The following CTNND1 variants were observed in gnomAD, a reference collection of about 807,000 sequenced individuals.
CTNND1 encodes the protein catenin delta-1.
CTNND1 carries 16 observed loss-of-function variants against 112.1 expected under a neutral mutation model. The observed-to-expected ratio is 0.14, with a 90% CI of 0.10 to 0.22. The LOEUF is 0.22. CTNND1 is among the 10% of genes least tolerant of loss of function. The pLI, the probability that CTNND1 is intolerant of heterozygous loss-of-function variation, is 1.00. For synonymous variants in CTNND1, 420 were observed against 446.5 expected, an observed-to-expected ratio of 0.94 and a Z score of 0.75; for missense variants, 1,008 against 1,257.0, an observed-to-expected ratio of 0.80 and a Z score of 3.00.
intron 16 of CTNND1, among the ~76,000 whole-genome samples, chr11:57,810,649 A>C: frequency 6.6e-6 from 1 of 151,846 alleles, no homozygotes; most frequent in African/African-American, 2.4e-5. Flanking sequence ...TTTTTGACCC[A>C]TATTTCTTAA....
In CTNND1 at chr11:57,800,775, G is replaced by A. The variant is rs553593545; in HGVS notation, c.957-958G>A. ...TCCACACAATAGATTATCCTCTCCTGTGGGAGCCAGAAAGAGATGAGCTCA... is the reference window on the plus strand; with the variant it reads ...TCCACACAATAGATTATCCTCTCCTATGGGAGCCAGAAAGAGATGAGCTCA... On this transcript the variant is annotated intron_variant, in intron 6 of 20. Coordinates refer to ENST00000399050, the MANE Select transcript of CTNND1 (RefSeq NM_001085458.2). 2.0e-4 allele frequency among the ~76,000 whole-genome samples: 31 copies of A among 152,330 alleles called. No individual in the cohort carries two copies. The South Asian group carries it at 6.2e-3, about 31-fold the overall frequency.
Position 57,818,900 on chromosome 11 carries a change from A to G in CTNND1, c.*2592A>G, listed in dbSNP as rs1159295366. 6.6e-6 allele frequency: 1 copy of G among 152,220 alleles called. No homozygotes were observed. The highest frequency in any genetic ancestry group is 2.4e-5 in the African/African-American group (1 of 41,452). The allele number at this position is 152,220 out of a possible 1,614,324, so 9.4% of individuals were successfully genotyped here. ...AAATGTAGGATCAAAAGGCCCATGTATATAAGTACTGACCACTGGGCCATA... is the reference window on the plus strand; with the variant it reads ...AAATGTAGGATCAAAAGGCCCATGTGTATAAGTACTGACCACTGGGCCATA... On this transcript the variant is annotated 3_prime_UTR_variant, in exon 21 of 21. Coordinates refer to ENST00000399050, the MANE Select transcript of CTNND1 (RefSeq NM_001085458.2).
rs11570206 is a variant in CTNND1 at position 57,805,331 on chromosome 11, T to G, written c.1722+551T>G. 8.6e-3 allele frequency among the ~76,000 whole-genome samples: 1,314 copies of G among 152,198 alleles called. 24 individuals carry two copies. The highest frequency in any genetic ancestry group is 0.029 in the African/African-American group (1,216 of 41,518). On this transcript the variant is annotated intron_variant, in intron 9 of 20. Coordinates refer to ENST00000399050, the MANE Select transcript of CTNND1 (RefSeq NM_001085458.2). ...CGTGATCTCGGCTCATTGCGACCTC[T>G]CCCTCCTGGGTTCAAGCAATTCTCT...
At chr11:57,814,132 T>C (rs1317986019) in intron 17 of CTNND1, 179 bp from the exon 18 acceptor site, 4 of 572,890 alleles carry the variant, frequency 7.0e-6, no homozygotes, top group Admixed American at 2.8e-5. Flanking sequence ...CTGAGCAACA[T>C]AGTGAGACCT....
At chr11:57,812,304 G>A (rs569871066) in intron 17 of CTNND1, among the ~76,000 whole-genome samples, 21 of 152,254 alleles carry the variant, frequency 1.4e-4, no homozygotes, top group Admixed American at 3.9e-4. Flanking sequence ...CAGATCACCT[G>A]AGGTCAGGAG....
At chr11:57,800,406 T>C (rs1269864001) in intron 6 of CTNND1, among the ~76,000 whole-genome samples, 1 of 152,140 alleles carries the variant, frequency 6.6e-6, no homozygotes, top group African/African-American at 2.4e-5. Flanking sequence ...TAGCTGGGAT[T>C]ACAGGTGCCC....
intron 6 of CTNND1, among the ~76,000 whole-genome samples, chr11:57,799,596 A>G (rs2061752669): frequency 6.6e-6 from 1 of 152,216 alleles, no homozygotes; most frequent in South Asian, 2.1e-4. Context: ...GCCACTAGCT[A>G]AGTAGCCTCA....
Position 57,810,191 on chromosome 11 carries a change from GA to G in CTNND1, c.2523del (p.Glu842LysfsTer10). The G allele has an allele frequency of 6.2e-7, 1 of 1,610,380 alleles. No homozygotes were observed. Among genetic ancestry groups the G allele is most frequent in the Non-Finnish European group, 8.5e-7 (1 of 1,178,508 alleles). ...ATATAAGGAACTGCGGAAGCCACTGGAAAAAGAAGGATGGAAGAAATCAGAC... is the reference window on the plus strand; with the variant it reads ...ATATAAGGAACTGCGGAAGCCACTGGAAAAGAAGGATGGAAGAAATCAGAC... ...WGYKELRKPLEKEGWKKSDFQ... is the reference protein window; with the variant it reads ...WGYKELRKPLXKEGWKKSDFQ... On this transcript the variant is annotated frameshift_variant, in exon 16 of 21. Coordinates refer to ENST00000399050, the MANE Select transcript of CTNND1 (RefSeq NM_001085458.2). LOFTEE classifies it high-confidence loss of function.
At position 57,805,982 on chromosome 11, in the gene CTNND1, C is replaced by T. The variant is rs1238818682; in HGVS notation, c.1823C>T (p.Ala608Val). 1.9e-6 allele frequency: 3 copies of T among 1,612,544 alleles called. No individual in the cohort carries two copies. Among genetic ancestry groups the T allele is most frequent in the South Asian group, 1.1e-5 (1 of 90,702 alleles). ...ERYQEAAPNVANNTGPHAASC... is the reference protein window; with the variant it reads ...ERYQEAAPNVVNNTGPHAASC... ...TACCAAGAGGCAGCTCCCAATGTTG[C>T]CAACAATACTGGGCCACATGCTGCC... Residue 608 changes from alanine (A) to valine (V), a missense_variant, in exon 10 of 21, where the codon GCC becomes GTC. Physicochemically the swap from Ala to Val is moderately conservative, Grantham distance 64 (BLOSUM62 0). Transcript: ENST00000399050.
In CTNND1 at chr11:57,812,708, G is replaced by T. The variant is rs1369512425; in HGVS notation, c.2638+1222G>T. ...GTTTATTTATTTATTTTGAGATGGGGTCTCCCTATGTTACCCAGGCTGGTC... is the reference window on the plus strand; with the variant it reads ...GTTTATTTATTTATTTTGAGATGGGTTCTCCCTATGTTACCCAGGCTGGTC... On this transcript the variant is annotated intron_variant, in intron 17 of 20. Coordinates refer to ENST00000399050, the MANE Select transcript of CTNND1 (RefSeq NM_001085458.2). 2.6e-5 allele frequency among the ~76,000 whole-genome samples: 4 copies of T among 152,102 alleles called. No homozygotes were observed. The East Asian group carries it at 7.8e-4, about 29-fold the overall frequency.
chr11:57,790,544 G>A (rs1309887112), intron 2 of CTNND1, among the ~76,000 whole-genome samples: 8 of 97,166 alleles, frequency 8.2e-5, no homozygotes, highest in Non-Finnish European at 1.6e-4. Context: ...AATTTTGTCT[G>A]TGTGTGTGTT....
intron 2 of CTNND1, among the ~76,000 whole-genome samples, chr11:57,790,575 T>TG: frequency 7.6e-6 from 1 of 131,716 alleles, no homozygotes; most frequent in South Asian, 2.4e-4. Context: ...TTTTTTTTTT[T>TG]GAGACGGAGT....
chr11:57,789,210 T>C (rs974846160), intron 2 of CTNND1, 55 bp downstream of exon 2: 5 of 1,217,218 alleles, frequency 4.1e-6, no homozygotes, highest in African/African-American at 3.1e-5. Context: ...TTAAGAAATA[T>C]GTATTTTTAT....
Position 57,808,406 on chromosome 11 carries a change from G to T in CTNND1, c.2108G>T (p.Arg703Leu). Residue 703 changes from arginine to leucine, a missense_variant, in exon 14 of 21, where the codon CGC (arginine) becomes CTC (leucine). Around this residue, in one of 5 missense-constraint regions of CTNND1, gnomAD observed 254 missense variants for 279.5 expected, o/e 0.91. Coordinates refer to ENST00000399050, the MANE Select transcript of CTNND1 (RefSeq NM_001085458.2). The stretch of plus-strand genomic sequence containing the variant: ...CTATTCTAGTATGGTCGATACATCC[G>T]CTCTGCTCTGCGTCAAGAGAAGGCT... The part of the protein sequence containing the change: ...AGRWTYGRYI[R>L]SALRQEKALS... The T allele has an allele frequency of 6.2e-7, 1 of 1,610,748 alleles. No homozygotes were observed.
intron 2 of CTNND1, among the ~76,000 whole-genome samples, chr11:57,790,408 G>A (rs2060575777): frequency 6.7e-6 from 1 of 149,330 alleles, no homozygotes; most frequent in Non-Finnish European, 1.5e-5. Context: ...TTTTGAGACG[G>A]AGTCTTGCAT....
chr11:57,803,592 A>G lies in CTNND1; in HGVS notation c.1421-29A>G, dbSNP rs770761350. On this transcript the variant is annotated intron_variant, in intron 7 of 20. Coordinates refer to ENST00000399050, the MANE Select transcript of CTNND1 (RefSeq NM_001085458.2). Reference sequence around the variant, plus strand: ...TCAGACATATTGTCTTGAATGCTCAAGAGCCATCTGATGAATTGTCTCTTC... The same window carrying G: ...TCAGACATATTGTCTTGAATGCTCAGGAGCCATCTGATGAATTGTCTCTTC... The G allele has an allele frequency of 4.4e-6, 7 of 1,577,400 alleles. 1 individual carries two copies. The South Asian group carries it at 7.0e-5, about 16-fold the overall frequency.
intron 1 of CTNND1, among the ~76,000 whole-genome samples, chr11:57,768,432 C>T (rs1204166530): frequency 1.3e-4 from 18 of 142,308 alleles, no homozygotes; most frequent in African/African-American, 2.9e-4. Context: ...CTTGCTCTGT[C>T]GCCCAGGCTG....
At chr11:57,773,593 G>T (rs1591215002) in intron 1 of CTNND1, among the ~76,000 whole-genome samples, 1 of 150,930 alleles carries the variant, frequency 6.6e-6, no homozygotes, top group Non-Finnish European at 1.5e-5. Context: ...CTGGGATTAT[G>T]GGTGCATGCC....
chr11:57,764,248 G>A, intron 1 of CTNND1: 1 of 152,114 alleles, frequency 6.6e-6, no homozygotes, highest in Non-Finnish European at 1.5e-5. Context: ...CGGGGGGGCG[G>A]TTCTCTTTTA....
Sources: gnomAD v4.1 joint callset for allele counts (sites outside exome capture counted in the v4.1 genomes callset) on GRCh38, gnomAD v4.1.1 for gene constraint, gnomAD v4.1.1 regional missense constraint, MANE v1.5 for transcripts, NCBI Gene and HGNC (gene_info 2026-07-23, HGNC 2026-07-21) for gene names.